Variants in FGA observed in about 807,000 individuals in gnomAD.
FGA encodes the protein fibrinogen, A alpha polypeptide.
FGA carries 20 observed loss-of-function variants against 20.3 expected under a neutral mutation model. That is an observed-to-expected ratio of 0.99 (90% CI 0.69 to 1.43). The LOEUF is 1.43. FGA is among the 40% of genes most tolerant of loss of function. FGA has a pLI of 0.00. For missense variants in FGA, 777 were observed against 784.7 expected (o/e 0.99, Z 0.12); for synonymous variants, 306 against 281.6 (o/e 1.09, Z -0.87).
Position 154,586,183 on chromosome 4 carries a change from C to T in FGA, c.1246G>A (p.Val416Met), listed in dbSNP as rs374710954. Residue 416 changes from valine to methionine, a missense_variant, in exon 5 of 5, where the codon GTG becomes ATG. Val to Met is a conservative substitution (Grantham distance 21). Coordinates refer to ENST00000403106, the MANE Select transcript of FGA (RefSeq NM_021871.4). ...GTCCCTGGACTTACATTTCCTGACACCTCTTCAAATGTGCCCCAGTCTGGG... is the reference window on the plus strand; with the variant it reads ...GTCCCTGGACTTACATTTCCTGACATCTCTTCAAATGTGCCCCAGTCTGGG... ...NNPDWGTFEE[V>M]SGNVSPGTRR... 1.5e-5 allele frequency: 25 copies of T among 1,614,138 alleles called. No homozygotes were observed. The highest frequency in any genetic ancestry group is 2.0e-5 in the Non-Finnish European group (24 of 1,180,020).
intron 4 of FGA, 35 bp from the exon 5 acceptor site, chr4:154,586,953 A>G (rs1322036950): frequency 5.0e-6 from 8 of 1,592,234 alleles, no homozygotes; most frequent in Non-Finnish European, 6.9e-6. Flanking sequence ...GAGAAAATGT[A>G]GATACAAATA....
At chr4:154,587,362 T>C in intron 4 of FGA, 150 bp downstream of exon 4, 1 of 779,312 alleles carries the variant, frequency 1.3e-6, no homozygotes. Flanking sequence ...TTTCTTCAAC[T>C]GTGGAGTGAG....
chr4:154,584,953 T>A (rs1730672076), downstream of FGA: 3 of 853,458 alleles, frequency 3.5e-6, no homozygotes, highest in African/African-American at 5.0e-5. Context: ...TTCTTCCTCC[T>A]TTCCTTCCCT....
rs779785102 is a variant in FGA, at chr4:154,586,372, T to C, written c.1057A>G (p.Arg353Gly). The C allele has an allele frequency of 7.4e-6, 12 of 1,614,146 alleles. No individual in the cohort carries two copies. In the South Asian group the frequency reaches 1.3e-4, roughly 18 times the overall value. Residue 353 changes from arginine (R) to glycine (G), a missense_variant, in exon 5 of 5, where the codon AGA becomes GGA. Coordinates refer to ENST00000403106, the MANE Select transcript of FGA (RefSeq NM_021871.4). ...STGNQNPGSP[R>G]PGSTGTWNPG... is the part of the protein sequence containing the mutation. Reference sequence around the variant, plus strand: ...TTCCAGGTTCCGGTACTACCAGGTCTAGGGCTCCCAGGGTTTTGGTTTCCA... The same window carrying C: ...TTCCAGGTTCCGGTACTACCAGGTCCAGGGCTCCCAGGGTTTTGGTTTCCA...
At chr4:154,587,176 G>A (rs1297757294) in intron 4 of FGA, among the ~76,000 whole-genome samples, 1 of 152,152 alleles carries the variant, frequency 6.6e-6, no homozygotes, top group Admixed American at 6.5e-5. Flanking sequence ...CAAGAGTAAG[G>A]TGCTATTCCC....
downstream of FGA, chr4:154,584,691 T>C (rs756341054): frequency 6.2e-7 from 1 of 1,614,002 alleles, no homozygotes; most frequent in African/African-American, 1.3e-5. Context: ...ATCCATCCAT[T>C]CTTTGCTGGA....
Position 154,588,943 on chromosome 4 carries a change from C to G in FGA, c.214G>C (p.Gly72Arg), listed in dbSNP as rs749744029. The part of the protein sequence containing the change: ...YKCPSGCRMK[G>R]LIDEVNQDFT... ...TCTTGATTGACTTCATCAATCAACC[C>G]TTTCATCCTGCAGCCAGAAGGGCAT... Residue 72 changes from glycine (G) to arginine (R), a missense_variant, in exon 3 of 5, where the codon GGG (glycine) becomes CGG (arginine). Gly to Arg is a moderately radical substitution (Grantham distance 125, BLOSUM62 -2). Transcript: ENST00000403106. 1.9e-6 allele frequency: 3 copies of G among 1,613,628 alleles called. No individual in the cohort carries two copies. In the African/African-American group the frequency reaches 4.0e-5, roughly 22 times the overall value.
chr4:154,583,406 G>T (rs1730633257), downstream of FGA: 1 of 152,074 alleles, frequency 6.6e-6, no homozygotes, highest in Non-Finnish European at 1.5e-5. Context: ...TTGGGAGATT[G>T]TTTATTAATG....
chr4:154,587,702 G>T, intron 3 of FGA, 45 bp from the exon 4 acceptor site: 2 of 1,544,930 alleles, frequency 1.3e-6, no homozygotes, highest in African/African-American at 1.4e-5. Flanking sequence ...TGAGTGATTT[G>T]TCTGTAATTG....
In FGA at chr4:154,589,384, C is replaced by T. The variant is rs2070026; in HGVS notation, c.180+53G>A. 6,048 of 1,603,946 alleles carry T rather than the reference C, an allele frequency of 3.8e-3. 181 individuals carry two copies. In the African/African-American group the frequency reaches 0.066, roughly 18 times the overall value. On this transcript the variant is annotated intron_variant, in intron 2 of 4. Coordinates refer to ENST00000403106, the MANE Select transcript of FGA (RefSeq NM_021871.4). The stretch of plus-strand genomic sequence containing the variant: ...GGGACCAATCAGGTCAGCCTGTGAG[C>T]CCCTCTAGCATCAGAGGGAAGGAAT...
chr4:154,584,639 A>C, downstream of FGA: 1 of 1,614,172 alleles, frequency 6.2e-7, no homozygotes, highest in African/African-American at 1.3e-5. Context: ...AGGCTGCCGA[A>C]ACCTCTCTTG....
Position 154,587,589 on chromosome 4 carries a change from C to T in FGA, c.433G>A (p.Val145Ile), listed in dbSNP as rs1349984353. 3 of 1,613,812 alleles carry T rather than the reference C, an allele frequency of 1.9e-6. No homozygotes were observed. Among genetic ancestry groups the T allele is most frequent in the Non-Finnish European group, 1.7e-6 (2 of 1,179,948 alleles). Residue 145 changes from valine to isoleucine, a missense_variant, in exon 4 of 5, where the codon GTC becomes ATC. Coordinates refer to ENST00000403106, the MANE Select transcript of FGA (RefSeq NM_021871.4). ...TGGATATGCTGTACTTTTTCTATGA[C>T]TTTGCGCTTCAGGACTTCAATTCTG... ...RSRIEVLKRK[V>I]IEKVQHIQLL...
intron 4 of FGA, 103 bp from the exon 5 acceptor site, chr4:154,587,021 AT>A (rs908885120): frequency 2.2e-4 from 268 of 1,191,680 alleles, no homozygotes; most frequent in Middle Eastern, 4.2e-4. Context: ...AACTGGTTTC[AT>A]TTTTTTTGAC....
chr4:154,584,082 C>A, downstream of FGA: 1 of 1,504,232 alleles, frequency 6.6e-7, no homozygotes, highest in Non-Finnish European at 9.3e-7. Flanking sequence ...CTCCACTTCT[C>A]TAGCAAAGAA....
At position 154,585,551 on chromosome 4, in the gene FGA, A is replaced by G. The variant is rs1730685122; in HGVS notation, c.1878T>C (p.Ser626=). Residue 626 remains serine (S), a synonymous_variant, in exon 5 of 5, where the codon TCT becomes TCC. Coordinates refer to ENST00000403106, the MANE Select transcript of FGA (RefSeq NM_021871.4). ...AAGTGTGGATACCTCTGACAGGGCGAGATTTAGCATGGCCTCTCTTGGTGC... is the reference window on the plus strand; with the variant it reads ...AAGTGTGGATACCTCTGACAGGGCGGGATTTAGCATGGCCTCTCTTGGTGC... The part of the protein sequence containing the change: ...THSTKRGHAK[S]RPVRGIHTSP... 1.9e-6 allele frequency: 3 copies of G among 1,613,960 alleles called. No homozygotes were observed. The highest frequency in any genetic ancestry group is 1.1e-5 in the South Asian group (1 of 91,076).
At chr4:154,590,488 A>C in intron 1 of FGA, 146 bp downstream of exon 1, 1 of 726,076 alleles carries the variant, frequency 1.4e-6, no homozygotes, top group Non-Finnish European at 2.5e-6. Context: ...TGAGGTGTCA[A>C]GCCCACCCAG....
At chr4:154,583,922 T>C (rs988430249), downstream of FGA, 6 of 590,016 alleles carry the variant, frequency 1.0e-5, no homozygotes, top group Non-Finnish European at 1.8e-5. Context: ...ACAGAGCTAT[T>C]TAAAGATAAA....
chr4:154,586,062 G>T lies in FGA; in HGVS notation c.1367C>A (p.Thr456Asn). 6.2e-7 allele frequency: 1 copy of T among 1,614,152 alleles called. No homozygotes were observed. The highest frequency in any genetic ancestry group is 8.5e-7 in the Non-Finnish European group (1 of 1,180,014). Residue 456 changes from threonine (T) to asparagine (N), a missense_variant, in exon 5 of 5, where the codon ACC becomes AAC. Coordinates refer to ENST00000403106, the MANE Select transcript of FGA (RefSeq NM_021871.4). ...KEKVTSGSTT[T>N]TRRSCSKTVT... ...GGTTTTAGAGCATGAACGACGCGTGGTGGTTGTGCTACCAGAGGTGACCTT... is the reference window on the plus strand; with the variant it reads ...GGTTTTAGAGCATGAACGACGCGTGTTGGTTGTGCTACCAGAGGTGACCTT...
In FGA at chr4:154,587,505, T is replaced by A. The variant is rs1313001210; in HGVS notation, c.510+7A>T. On this transcript the variant is annotated splice_region_variant and intron_variant, in intron 4 of 4. Coordinates refer to ENST00000403106, the MANE Select transcript of FGA (RefSeq NM_021871.4). ...AAGGACATCTGGGACCACAGCCACATACTTACCTCCAGTCGTTTCATATCA... is the reference window on the plus strand; with the variant it reads ...AAGGACATCTGGGACCACAGCCACAAACTTACCTCCAGTCGTTTCATATCA... 6 of 1,613,744 alleles carry A rather than the reference T, an allele frequency of 3.7e-6. No individual in the cohort carries two copies. The East Asian group carries it at 1.3e-4, about 36-fold the overall frequency.
Sources: allele counts gnomAD v4.1 joint callset (sites outside exome capture counted in the v4.1 genomes callset), GRCh38; gene constraint gnomAD v4.1.1; transcripts MANE v1.5; gene names NCBI Gene and HGNC (gene_info 2026-07-23, HGNC 2026-07-21).